Variants in TET1 observed in about 807,000 individuals in gnomAD.
TET1 encodes methylcytosine dioxygenase TET1.
TET1 carries 13 observed loss-of-function variants against 148.7 expected under a neutral mutation model. The observed-to-expected ratio is 0.09, with a 90% CI of 0.06 to 0.14. The LOEUF (loss-of-function observed/expected upper bound fraction) is 0.14, where lower values mean the gene tolerates loss of function less well. TET1 is among the 10% of genes least tolerant of loss of function. TET1 has a pLI of 1.00. For synonymous variants in TET1, 907 were observed against 937.2 expected, an observed-to-expected ratio of 0.97 and a Z score of 0.59; for missense variants, 2,182 against 2,553.8, an observed-to-expected ratio of 0.85 and a Z score of 3.14.
intron 1 of TET1, among the ~76,000 whole-genome samples, chr10:68,568,450 TG>T (rs2053631057): frequency 6.6e-6 from 1 of 151,782 alleles, no homozygotes; most frequent in Admixed American, 6.6e-5. Context: ...CTCGAACTCC[TG>T]ACCTCAGGTG....
intron 3 of TET1, among the ~76,000 whole-genome samples, chr10:68,620,598 A>T (rs2054356348): frequency 6.6e-6 from 1 of 151,140 alleles, no homozygotes; most frequent in African/African-American, 2.4e-5. Context: ...CCAAACACAC[A>T]CACTTTTTAA....
rs1564943181 is a variant in TET1, at chr10:68,561,720, T to TA, written c.-123+978_-123+979insA. Reference sequence around the variant, plus strand: ...CCTCCCTCCCTCTCCCCCGCTCCGGTCCCCGCCTCTCTCGCCCCAGGCTCT... The same window carrying TA: ...CCTCCCTCCCTCTCCCCCGCTCCGGTACCCCGCCTCTCTCGCCCCAGGCTCT... On this transcript the variant is annotated intron_variant, in intron 1 of 11. Coordinates refer to ENST00000373644, the MANE Select transcript of TET1 (RefSeq NM_030625.3). 2.5e-4 allele frequency among the ~76,000 whole-genome samples: 29 copies of TA among 117,014 alleles called. 1 individual carries two copies. The highest frequency in any genetic ancestry group is 1.9e-3 in the Admixed American group (21 of 10,790). The allele number at this position is 117,014 out of a possible 152,430, so 76.8% of individuals were successfully genotyped here. A position where few individuals can be genotyped will look rare whatever the true frequency, so the allele number is the denominator to read the frequency against.
chr10:68,632,005 A>T (rs2054579020), intron 3 of TET1, among the ~76,000 whole-genome samples: 1 of 151,858 alleles, frequency 6.6e-6, no homozygotes, highest in African/African-American at 2.4e-5. Flanking sequence ...ACGAAAGATG[A>T]CTTGATATTG....
chr10:68,572,318 A>AT lies in TET1; in HGVS notation c.-15dup. 13 of 1,564,874 alleles carry AT rather than the reference A, an allele frequency of 8.3e-6. No homozygotes were observed. Among genetic ancestry groups the AT allele is most frequent in the African/African-American group, 1.4e-5 (1 of 72,276 alleles). On this transcript the variant is annotated 5_prime_UTR_variant, in exon 2 of 12. An upstream open reading frame in the 5' UTR gains an earlier in-frame stop. Transcript: ENST00000373644. Reference sequence around the variant, plus strand: ...ATGACTCTGTTTCCTGCGCCCTTTCATTTTTTCCTACTCTGTAGCTATGTC... The same window carrying AT: ...ATGACTCTGTTTCCTGCGCCCTTTCATTTTTTTCCTACTCTGTAGCTATGTC...
At position 68,667,231 on chromosome 10, in the gene TET1, G is replaced by A. The variant is rs1404366633; in HGVS notation, c.4648G>A (p.Asp1550Asn). ...AAAGTCATACAATGGGCACCCTACC[G>A]ACAGAAGATGCACCCTCAATGAAAA... ...NLKSYNGHPT[D>N]RRCTLNENRT... is the part of the protein sequence containing the mutation. The change falls in exon 7 of 12, where the codon GAC (aspartate) becomes AAC (asparagine). Residue 1550 changes from aspartate (D) to asparagine (N), a missense_variant. Physicochemically the swap from Asp to Asn is conservative, Grantham distance 23. Around this residue, in one of 11 missense-constraint regions of TET1, gnomAD observed 169 missense variants for 263.7 expected, o/e 0.64. Transcript: ENST00000373644. 3 of 1,613,618 alleles carry A rather than the reference G, an allele frequency of 1.9e-6. No homozygotes were observed. The highest frequency in any genetic ancestry group is 1.1e-5 in the South Asian group (1 of 90,966).
intron 2 of TET1, among the ~76,000 whole-genome samples, chr10:68,581,027 G>A (rs924952319): frequency 3.3e-5 from 5 of 151,990 alleles, no homozygotes; most frequent in Non-Finnish European, 5.9e-5. Context: ...AAGGTTGCCT[G>A]TAAGAAATAA....
At chr10:68,574,360 T>C in intron 2 of TET1, 108 bp downstream of exon 2, 1 of 845,932 alleles carries the variant, frequency 1.2e-6, no homozygotes. Context: ...GTGAATTGCT[T>C]CACTATTACA....
chr10:68,576,696 C>G (rs2053735140), intron 2 of TET1, among the ~76,000 whole-genome samples: 1 of 152,056 alleles, frequency 6.6e-6, no homozygotes, highest in Non-Finnish European at 1.5e-5. Context: ...GTACTGTGAA[C>G]TTAAAATTCA....
intron 10 of TET1, among the ~76,000 whole-genome samples, chr10:68,685,862 T>G (rs970426222): frequency 6.6e-6 from 1 of 152,184 alleles, no homozygotes; most frequent in South Asian, 2.1e-4. Flanking sequence ...AAAAAAAATT[T>G]TTTTTAACTG....
chr10:68,575,886 G>C (rs1222172575), intron 2 of TET1, among the ~76,000 whole-genome samples: 2 of 151,036 alleles, frequency 1.3e-5, no homozygotes, highest in East Asian at 3.9e-4. Flanking sequence ...CGGGCGTGAC[G>C]GCGTGCGCCT....
intron 1 of TET1, among the ~76,000 whole-genome samples, chr10:68,565,775 T>C (rs1268395461): frequency 6.6e-6 from 1 of 152,086 alleles, no homozygotes; most frequent in Non-Finnish European, 1.5e-5. Flanking sequence ...TATGTTTCAA[T>C]AGTGGAGCCA....
chr10:68,683,254 G>T (rs1307267455), intron 10 of TET1, among the ~76,000 whole-genome samples: 3 of 151,942 alleles, frequency 2.0e-5, no homozygotes, highest in Non-Finnish European at 4.4e-5. Flanking sequence ...TTGCTGGGAG[G>T]CAGGAGTACT....
At chr10:68,596,027 C>CATATATATATATATATATAT (rs1554932889) in intron 2 of TET1, among the ~76,000 whole-genome samples, 7 of 61,750 alleles carry the variant, frequency 1.1e-4, no homozygotes, top group African/African-American at 3.5e-4. Context: ...CACACACACA[C>CATATATATATATATATATAT]ATATATATAT....
Position 68,645,564 on chromosome 10 carries a change from C to A in TET1, c.2835C>A (p.Asn945Lys), listed in dbSNP as rs763408006. ...TAAGAAAAGACCTCCAAGACCCAAA[C>A]TTACAGGGAGAGCCACCAAAACTTA... ...YTVRKDLQDP[N>K]LQGEPPKLNH... is the part of the protein sequence containing the mutation. The change falls in exon 4 of 12, where the codon AAC (asparagine) becomes AAA (lysine). Residue 945 changes from asparagine to lysine, a missense_variant. Around this residue, in one of 11 missense-constraint regions of TET1, gnomAD observed 582 missense variants for 599.5 expected, o/e 0.97. Coordinates refer to ENST00000373644, the MANE Select transcript of TET1 (RefSeq NM_030625.3). 3.7e-6 allele frequency: 6 copies of A among 1,614,168 alleles called. No individual in the cohort carries two copies. The highest frequency in any genetic ancestry group is 5.1e-6 in the Non-Finnish European group (6 of 1,180,032).
At chr10:68,664,984 C>T (rs936617798) in intron 6 of TET1, among the ~76,000 whole-genome samples, 2 of 151,920 alleles carry the variant, frequency 1.3e-5, no homozygotes, top group Admixed American at 1.3e-4. Context: ...GTTGCTCAGG[C>T]TGGCCTCGAA....
intron 3 of TET1, among the ~76,000 whole-genome samples, chr10:68,628,448 A>G (rs1191334818): frequency 6.6e-6 from 1 of 152,182 alleles, no homozygotes; most frequent in African/African-American, 2.4e-5. Context: ...TCATCCTTAG[A>G]TTTCTCCAGT....
intron 3 of TET1, among the ~76,000 whole-genome samples, chr10:68,630,267 G>T (rs1169499154): frequency 6.6e-6 from 1 of 152,284 alleles, no homozygotes; most frequent in South Asian, 2.1e-4. Flanking sequence ...ATTAAAGCAG[G>T]TATGGGGAAG....
rs375035850 is a variant in TET1, at chr10:68,599,573, G to A, written c.1915-1408G>A. Among the ~76,000 whole-genome samples the A allele has an allele frequency of 2.0e-4, 30 of 152,372 alleles. 1 individual carries two copies. The South Asian group carries it at 3.7e-3, about 19-fold the overall frequency. On this transcript the variant is annotated intron_variant, in intron 2 of 11. Coordinates refer to ENST00000373644, the MANE Select transcript of TET1 (RefSeq NM_030625.3). ...CTGCCTACCACCCACTGGGCGTGGG[G>A]GCAGTCCAGGTGTGTGTCGGGAGAT... is the stretch of plus-strand genomic sequence containing the variant.
In TET1 at chr10:68,680,998, TC is replaced by T. The variant is rs2055428369; in HGVS notation, c.4825-399del. Reference sequence around the variant, plus strand: ...TGTTTTATGTATGTACTCTCTCTTCTCCGTTATAGGAACCTGTTACATTGTA... The same window carrying T: ...TGTTTTATGTATGTACTCTCTCTTCTCGTTATAGGAACCTGTTACATTGTA... On this transcript the variant is annotated intron_variant, in intron 8 of 11. Transcript: ENST00000373644. Among the ~76,000 whole-genome samples, 3 of 152,334 alleles carry T rather than the reference TC, an allele frequency of 2.0e-5. No individual in the cohort carries two copies. In the South Asian group the frequency reaches 6.2e-4, roughly 32 times the overall value.
Sources: allele counts gnomAD v4.1 joint callset (sites outside exome capture counted in the v4.1 genomes callset), GRCh38; gene constraint gnomAD v4.1.1; regional missense constraint gnomAD v4.1.1; transcripts MANE v1.5; gene names NCBI Gene and HGNC (gene_info 2026-07-23, HGNC 2026-07-21).